TNFAIP1: variants seen among roughly 807,000 people sequenced by gnomAD.
The protein encoded by TNFAIP1 is TNF alpha induced protein 1, also known as BTB/POZ domain-containing adapter for CUL3-mediated RhoA degradation protein 2.
TNFAIP1 carries 20 observed loss-of-function variants against 32.6 expected under a neutral mutation model. The observed-to-expected ratio is 0.61, with a 90% CI of 0.43 to 0.89. TNFAIP1 has a LOEUF of 0.89. TNFAIP1 is among the 40% of genes least tolerant of loss of function. The pLI is 0.00. For missense variants in TNFAIP1, 319 were observed against 425.1 expected, an observed-to-expected ratio of 0.75 and a Z score of 2.20; for synonymous variants, 166 against 166.8, an observed-to-expected ratio of 1.00 and a Z score of 0.04.
chr17:28,344,671 C>T lies in TNFAIP1; in HGVS notation c.*71C>T. ...CTGTGGAACCCGCCCCATTGGCCAC[C>T]CCATGCTGCTGCTGCCTGGGTCTCT... On this transcript the variant is annotated 3_prime_UTR_variant, in exon 7 of 7. Transcript: ENST00000226225. 2 of 1,478,656 alleles carry T rather than the reference C, an allele frequency of 1.4e-6. No homozygotes were observed. Among genetic ancestry groups the T allele is most frequent in the South Asian group, 1.2e-5 (1 of 86,764 alleles). The allele number at this position is 1,478,656 out of a possible 1,614,324, so 91.6% of individuals were successfully genotyped here. A position where few individuals can be genotyped will look rare whatever the true frequency, so the allele number is the denominator to read the frequency against.
chr17:28,337,670 TA>T (rs1454783571), intron 1 of TNFAIP1, among the ~76,000 whole-genome samples: 6 of 152,098 alleles, frequency 3.9e-5, no homozygotes, highest in African/African-American at 1.4e-4. Context: ...ACCCGCCCCC[TA>T]AAACTTGTTT....
In TNFAIP1 at chr17:28,339,649, T is replaced by C. The variant is rs781848665; in HGVS notation, c.128T>C (p.Val43Ala). The change falls in exon 2 of 7, where the codon GTG becomes GCG. Residue 43 changes from valine to alanine, a missense_variant. Coordinates refer to ENST00000226225, the MANE Select transcript of TNFAIP1 (RefSeq NM_021137.5). ...GGCGGCTCTCTGTACTACACCACTG[T>C]GCGGGCCCTGACCCGCCACGACACC... ...NVGGSLYYTT[V>A]RALTRHDTML... is the part of the protein sequence containing the mutation. The C allele has an allele frequency of 6.8e-6, 11 of 1,613,388 alleles. No homozygotes were observed. The South Asian group carries it at 9.9e-5, about 14-fold the overall frequency.
Position 28,341,249 on chromosome 17 carries a change from T to A in TNFAIP1, c.388T>A (p.Ser130Thr), listed in dbSNP as rs782686534. ...CTGTGTCGCACAGGACAAGAAGGAC[T>A]CCTACCAGCCTGTGTGCAACATCCC... ...CQSALQDKKD[S>T]YQPVCNIPII... The change falls in exon 4 of 7, where the codon TCC becomes ACC. Residue 130 changes from serine (S) to threonine (T), a missense_variant. Transcript: ENST00000226225. 6.2e-7 allele frequency: 1 copy of A among 1,614,056 alleles called. No individual in the cohort carries two copies. Among genetic ancestry groups the A allele is most frequent in the African/African-American group, 1.3e-5 (1 of 74,912 alleles).
rs5819840 is a variant in TNFAIP1, at chr17:28,344,919, A to AG, written c.*321dup. 1 allele frequency: 376,494 copies of AG among 376,496 alleles called. 188,246 individuals are homozygous for AG. Among genetic ancestry groups the AG allele is most frequent in the Middle Eastern group, 1 (1,318 of 1,318 alleles). The allele number at this position is 376,496 out of a possible 1,614,324, so 23.3% of individuals were successfully genotyped here. A position where few individuals can be genotyped will look rare whatever the true frequency, so the allele number is the denominator to read the frequency against. On this transcript the variant is annotated 3_prime_UTR_variant, in exon 7 of 7. Coordinates refer to ENST00000226225, the MANE Select transcript of TNFAIP1 (RefSeq NM_021137.5). ...AACCTTCCCCTAGGCCCTGTGCAGA[A>AG]GGCTACTGCCCCTTAGGCCTCAGCT...
chr17:28,340,217 C>A lies in TNFAIP1; in HGVS notation c.206-92C>A. 1 of 1,406,658 alleles carries A rather than the reference C, an allele frequency of 7.1e-7. No homozygotes were observed. The allele number at this position is 1,406,658 out of a possible 1,614,324, so 87.1% of individuals were successfully genotyped here. ...GCTTTGTGCTCGTGGACCCCCTTCC[C>A]TGCCACCTGCCGCCAGCTTGTCAGG... On this transcript the variant is annotated intron_variant, in intron 2 of 6. Transcript: ENST00000226225. The surrounding 1 kb of genome is among the most constrained non-coding windows in gnomAD (Gnocchi z 4.1).
Position 28,345,963 on chromosome 17 carries a change from G to A in TNFAIP1, c.*1363G>A, listed in dbSNP as rs1907540506. On this transcript the variant is annotated 3_prime_UTR_variant, in exon 7 of 7. Coordinates refer to ENST00000226225, the MANE Select transcript of TNFAIP1 (RefSeq NM_021137.5). Reference sequence around the variant, plus strand: ...TATTTTCCAAAGGAATGCTGTCAGGGAGGGACTGTTCTGCCAGCCTAACAA... The same window carrying A: ...TATTTTCCAAAGGAATGCTGTCAGGAAGGGACTGTTCTGCCAGCCTAACAA... The A allele has an allele frequency of 6.6e-6, 1 of 152,212 alleles. No homozygotes were observed. Among genetic ancestry groups the A allele is most frequent in the Non-Finnish European group, 1.5e-5 (1 of 68,044 alleles). The allele number at this position is 152,212 out of a possible 1,614,324, so 9.4% of individuals were successfully genotyped here.
intron 1 of TNFAIP1, among the ~76,000 whole-genome samples, chr17:28,337,426 AT>A (rs1220925775): frequency 6.6e-6 from 1 of 152,128 alleles, no homozygotes; most frequent in Non-Finnish European, 1.5e-5. Context: ...CATTGTTGAG[AT>A]GAGATTTCCC....
rs1907535794 is a variant in TNFAIP1, at chr17:28,345,799, C to G, written c.*1199C>G. The G allele has an allele frequency of 1.3e-5, 2 of 152,292 alleles. No homozygotes were observed. The highest frequency in any genetic ancestry group is 2.4e-5 in the African/African-American group (1 of 41,474). The allele number at this position is 152,292 out of a possible 1,614,324, so 9.4% of individuals were successfully genotyped here. On this transcript the variant is annotated 3_prime_UTR_variant, in exon 7 of 7. Coordinates refer to ENST00000226225, the MANE Select transcript of TNFAIP1 (RefSeq NM_021137.5). Reference sequence around the variant, plus strand: ...GGATGACAGGAGCAACCGAAGCACCCTGAAGGCCTTCACTCCTTGTTGGGT... The same window carrying G: ...GGATGACAGGAGCAACCGAAGCACCGTGAAGGCCTTCACTCCTTGTTGGGT...
chr17:28,342,160 G>A lies in TNFAIP1; in HGVS notation c.519-87G>A, dbSNP rs927167148. ...TTTCGGCAGGACAGGATGGGGGAAG[G>A]GAGGGAGGGGAGGGCCCCACTTGTC... On this transcript the variant is annotated intron_variant, in intron 5 of 6. Transcript: ENST00000226225. This position sits in a 1 kb window ranked among gnomAD's most constrained non-coding sequence, Gnocchi z 4.0. 5 of 1,204,408 alleles carry A rather than the reference G, an allele frequency of 4.2e-6. No homozygotes were observed. The Admixed American group carries it at 1.1e-4, about 27-fold the overall frequency. The allele number at this position is 1,204,408 out of a possible 1,614,324, so 74.6% of individuals were successfully genotyped here. A position where few individuals can be genotyped will look rare whatever the true frequency, so the allele number is the denominator to read the frequency against.
intron 1 of TNFAIP1, among the ~76,000 whole-genome samples, chr17:28,338,519 C>T (rs1293845906): frequency 6.6e-6 from 1 of 151,862 alleles, no homozygotes; most frequent in African/African-American, 2.4e-5. Flanking sequence ...GAACACTGGC[C>T]GGCACCCCCG....
In TNFAIP1 at chr17:28,339,710, G is replaced by C. The variant is rs782685747; in HGVS notation, c.189G>C (p.Val63=). The change falls in exon 2 of 7, where the codon GTG becomes GTC. Residue 63 remains valine (V), a synonymous_variant. Coordinates refer to ENST00000226225, the MANE Select transcript of TNFAIP1 (RefSeq NM_021137.5). ...LKAMFSGRME[V]LTDKEGWILI... is the part of the protein sequence containing the mutation. ...CCATGTTCAGTGGGCGCATGGAGGTGCTGACCGACAAAGAAGGTGAGGCAC... is the reference window on the plus strand; with the variant it reads ...CCATGTTCAGTGGGCGCATGGAGGTCCTGACCGACAAAGAAGGTGAGGCAC... 2 of 1,613,802 alleles carry C rather than the reference G, an allele frequency of 1.2e-6. No individual in the cohort carries two copies. Among genetic ancestry groups the C allele is most frequent in the South Asian group, 1.1e-5 (1 of 91,080 alleles).
rs782706865 is a variant in TNFAIP1 at position 28,341,330 on chromosome 17, C to G, written c.465+4C>G. 6.2e-7 allele frequency: 1 copy of G among 1,614,110 alleles called. No homozygotes were observed. The highest frequency in any genetic ancestry group is 8.5e-7 in the Non-Finnish European group (1 of 1,180,050). On this transcript the variant is annotated splice_donor_region_variant and intron_variant, in intron 4 of 6. Transcript: ENST00000226225. ...GCTCATCGAATCCTCCACCAAGGTA[C>G]CAGGACCTCTGAGGGGTGCGGGCCG...
At chr17:28,339,766 G>T in intron 2 of TNFAIP1, 40 bp downstream of exon 2, 1 of 1,595,182 alleles carries the variant, frequency 6.3e-7, no homozygotes. Context: ...GGGAGGGCAG[G>T]AGGAGTTCCC....
intron 1 of TNFAIP1, among the ~76,000 whole-genome samples, chr17:28,338,896 G>A (rs1907259839): frequency 6.6e-6 from 1 of 151,954 alleles, no homozygotes; most frequent in Admixed American, 6.6e-5. Context: ...CAGGGCAGGA[G>A]TCTGGGAGAC....
Position 28,346,738 on chromosome 17 carries a change from C to G in TNFAIP1, c.*2138C>G. The G allele has an allele frequency of 6.6e-6, 1 of 152,168 alleles. No individual in the cohort carries two copies. Among genetic ancestry groups the G allele is most frequent in the East Asian group, 1.9e-4 (1 of 5,196 alleles). The allele number at this position is 152,168 out of a possible 1,614,324, so 9.4% of individuals were successfully genotyped here. A position where few individuals can be genotyped will look rare whatever the true frequency, so the allele number is the denominator to read the frequency against. ...GCAACTCTTGGCTGTGTGCATTTTT[C>G]AACTCCAAGCAGCCCAGGGGTAAGT... On this transcript the variant is annotated 3_prime_UTR_variant, in exon 7 of 7. Transcript: ENST00000226225.
At chr17:28,344,308 C>G in intron 6 of TNFAIP1, 56 bp from the exon 7 acceptor site, 2 of 1,510,622 alleles carry the variant, frequency 1.3e-6, no homozygotes, top group Non-Finnish European at 1.8e-6. Flanking sequence ...CGCTCTGACG[C>G]ATGGCTTCCT....
In TNFAIP1 at chr17:28,340,550, T is replaced by G. The variant is rs1555578021; in HGVS notation, c.375+72T>G. 2.2e-5 allele frequency: 35 copies of G among 1,555,694 alleles called. No individual in the cohort carries two copies. Among genetic ancestry groups the G allele is most frequent in the Non-Finnish European group, 3.1e-5 (35 of 1,139,054 alleles). ...GCCCCCTTCTTGTGGGATGGAGGAC[T>G]CTGGTTCCTGGCAGGTTGTGTGGGA... On this transcript the variant is annotated intron_variant, in intron 3 of 6. Coordinates refer to ENST00000226225, the MANE Select transcript of TNFAIP1 (RefSeq NM_021137.5). The surrounding 1 kb of genome is among the most constrained non-coding windows in gnomAD (Gnocchi z 4.1).
Position 28,344,361 on chromosome 17 carries a change from C to T in TNFAIP1, c.715-3C>T. 1 of 1,611,970 alleles carries T rather than the reference C, an allele frequency of 6.2e-7. No individual in the cohort carries two copies. Among genetic ancestry groups the T allele is most frequent in the Non-Finnish European group, 8.5e-7 (1 of 1,178,546 alleles). Reference sequence around the variant, plus strand: ...GCTCCACCTTCTTCCTCCCTAACCCCAGGTGGAATTCCCAGAGGCCCGAAT... The same window carrying T: ...GCTCCACCTTCTTCCTCCCTAACCCTAGGTGGAATTCCCAGAGGCCCGAAT... On this transcript the variant is annotated splice_polypyrimidine_tract_variant and splice_region_variant and intron_variant, in intron 6 of 6. Coordinates refer to ENST00000226225, the MANE Select transcript of TNFAIP1 (RefSeq NM_021137.5).
intron 3 of TNFAIP1, 85 bp from the exon 4 acceptor site, chr17:28,341,152 A>G: frequency 6.9e-7 from 1 of 1,447,476 alleles, no homozygotes; most frequent in South Asian, 1.1e-5. Flanking sequence ...GCGGGTGGCC[A>G]TGGCAGAGGG....
Sources: allele counts gnomAD v4.1 joint callset (sites outside exome capture counted in the v4.1 genomes callset), GRCh38; gene constraint gnomAD v4.1.1; non-coding constraint Gnocchi (gnomAD v3.1); transcripts MANE v1.5; gene names NCBI Gene and HGNC (gene_info 2026-07-23, HGNC 2026-07-21).